The following SLC2A13 variants were observed in gnomAD, a reference collection of about 807,000 sequenced individuals.
SLC2A13 encodes solute carrier family 2 member 13, also known as proton myo-inositol cotransporter.
In SLC2A13, 32 loss-of-function variants were observed where a neutral mutation model predicts 64.4. That is an observed-to-expected ratio of 0.50 (90% confidence interval 0.37 to 0.67). The LOEUF (loss-of-function observed/expected upper bound fraction) is 0.67, where lower values mean the gene tolerates loss of function less well. SLC2A13 is among the 30% of genes least tolerant of loss of function. The pLI, the probability that SLC2A13 is intolerant of heterozygous loss-of-function variation, is 0.00. For missense variants in SLC2A13, 743 were observed against 829.2 expected (o/e 0.90, Z 1.28); for synonymous variants, 338 against 327.1 (o/e 1.03, Z -0.36).
intron 1 of SLC2A13, among the ~76,000 whole-genome samples, chr12:40,066,392 A>C (rs2136261010): frequency 6.6e-6 from 1 of 152,366 alleles, no homozygotes; most frequent in Non-Finnish European, 1.5e-5. Context: ...TCAGAGAAAT[A>C]ACATGCACTT....
chr12:39,943,079 G>A lies in SLC2A13; in HGVS notation c.1034+8178C>T, dbSNP rs376519400. Among the ~76,000 whole-genome samples, 382 of 152,242 alleles carry A rather than the reference G, an allele frequency of 2.5e-3. 10 individuals are homozygous for A. The South Asian group carries it at 0.073, about 29-fold the overall frequency. On this transcript the variant is annotated intron_variant, in intron 4 of 9. Transcript: ENST00000280871. ...CAGGCCATCTGCCTGTATCACCAGC[G>A]GAGACTGTGGAACAGCAAAGACTGC...
intron 7 of SLC2A13, among the ~76,000 whole-genome samples, chr12:39,798,669 G>C (rs1941664799): frequency 6.6e-6 from 1 of 152,180 alleles, no homozygotes; most frequent in African/African-American, 2.4e-5. Flanking sequence ...GCCCGGGCTA[G>C]TGCTGAAAGA....
intron 1 of SLC2A13, among the ~76,000 whole-genome samples, chr12:40,064,410 T>C (rs1403431107): frequency 6.6e-6 from 1 of 152,202 alleles, no homozygotes; most frequent in Non-Finnish European, 1.5e-5. Context: ...TATTTTGATA[T>C]ATTTCAATGT....
chr12:39,986,233 G>A (rs530602), intron 3 of SLC2A13, among the ~76,000 whole-genome samples: 60,766 of 151,780 alleles, frequency 0.4, 12,383 homozygotes, highest in Non-Finnish European at 0.44. Flanking sequence ...CTAACCTTGG[G>A]GTTAGGATTT....
At position 39,764,526 on chromosome 12, in the gene SLC2A13, T is replaced by G; in HGVS notation, c.1654A>C (p.Asn552His). 1 of 1,612,224 alleles carries G rather than the reference T, an allele frequency of 6.2e-7. No individual in the cohort carries two copies. The highest frequency in any genetic ancestry group is 8.5e-7 in the Non-Finnish European group (1 of 1,179,260). Reference protein sequence around the residue: ...STGNACSSGINWIFNVLVSLT... With the variant: ...STGNACSSGIHWIFNVLVSLT... ...GAAACCAGGACATTGAAAATCCAGT[T>G]TATTCCAGATGAACATGCATTTCCT... Residue 552 changes from asparagine to histidine, a missense_variant, in exon 9 of 10, where the codon AAC (asparagine) becomes CAC (histidine). Around this residue, in one of 2 missense-constraint regions of SLC2A13, gnomAD observed 295 missense variants for 381.7 expected, o/e 0.77. Transcript: ENST00000280871.
chr12:39,767,751 G>A (rs889554370), intron 7 of SLC2A13, among the ~76,000 whole-genome samples: 6 of 152,040 alleles, frequency 3.9e-5, no homozygotes, highest in South Asian at 4.1e-4. Context: ...ATTGAATCAC[G>A]GGGGTGGTTA....
chr12:39,967,514 C>G (rs570074670), intron 3 of SLC2A13, among the ~76,000 whole-genome samples: 1 of 152,238 alleles, frequency 6.6e-6, no homozygotes, highest in East Asian at 1.9e-4. Context: ...TATATGACTC[C>G]TTATGTAAAA....
chr12:39,788,113 T>C (rs1019414582), intron 7 of SLC2A13, among the ~76,000 whole-genome samples: 2 of 152,166 alleles, frequency 1.3e-5, no homozygotes, highest in Non-Finnish European at 2.9e-5. Context: ...AGGAAACTTA[T>C]GTACTGTTGT....
rs548164067 is a variant in SLC2A13 at position 40,011,681 on chromosome 12, G to A, written c.925+16620C>T. 1.3e-4 allele frequency among the ~76,000 whole-genome samples: 20 copies of A among 152,110 alleles called. 1 individual carries two copies. The highest frequency in any genetic ancestry group is 9.7e-4 in the East Asian group (5 of 5,168). ...TCTCCTCCCTCTAGTAGTCCTCGGC[G>A]TCTACTGTTCCCATCTTTATGTCCA... On this transcript the variant is annotated intron_variant, in intron 3 of 9. Coordinates refer to ENST00000280871, the MANE Select transcript of SLC2A13 (RefSeq NM_052885.4).
In SLC2A13 at chr12:39,759,666, G is replaced by A. The variant is rs1163424103; in HGVS notation, c.*360C>T. Reference sequence around the variant, plus strand: ...TAAATATATTATACATATGTAATTTGGCTAGATTAGCACTGACTCTGTTGC... The same window carrying A: ...TAAATATATTATACATATGTAATTTAGCTAGATTAGCACTGACTCTGTTGC... On this transcript the variant is annotated 3_prime_UTR_variant, in exon 10 of 10. Coordinates refer to ENST00000280871, the MANE Select transcript of SLC2A13 (RefSeq NM_052885.4). 5.2e-6 allele frequency: 1 copy of A among 193,322 alleles called. No homozygotes were observed. Among genetic ancestry groups the A allele is most frequent in the African/African-American group, 2.4e-5 (1 of 41,868 alleles). 12.0% of individuals were successfully genotyped at this position (193,322 alleles called of 1,614,324 possible). A position where few individuals can be genotyped will look rare whatever the true frequency, so the allele number is the denominator to read the frequency against.
intron 4 of SLC2A13, among the ~76,000 whole-genome samples, chr12:39,901,223 G>A (rs538368910): frequency 5.5e-4 from 83 of 152,134 alleles, no homozygotes; most frequent in African/African-American, 2.0e-3. Flanking sequence ...CGTTAGACCT[G>A]AAACCATAAA....
chr12:40,002,950 G>T (rs756216839), intron 3 of SLC2A13, among the ~76,000 whole-genome samples: 2 of 152,128 alleles, frequency 1.3e-5, no homozygotes, highest in Non-Finnish European at 2.9e-5. Context: ...AGCAAACTAG[G>T]GGTTAATAAT....
At chr12:40,013,852 G>C (rs1385133216) in intron 3 of SLC2A13, among the ~76,000 whole-genome samples, 2 of 152,190 alleles carry the variant, frequency 1.3e-5, no homozygotes, top group Non-Finnish European at 2.9e-5. Flanking sequence ...CAGAGGAAGA[G>C]ACTAAATACT....
intron 7 of SLC2A13, among the ~76,000 whole-genome samples, chr12:39,773,288 GTCTCATTTTGGC>G (rs1940651928): frequency 6.6e-6 from 1 of 152,154 alleles, no homozygotes; most frequent in Non-Finnish European, 1.5e-5. Flanking sequence ...GGTGAAATAT[GTCTCATTTTGGC>G]TGAGTGAGAG....
In SLC2A13 at chr12:39,763,980, G is replaced by T. The variant is rs149837782; in HGVS notation, c.1720+480C>A. 5.8e-4 allele frequency among the ~76,000 whole-genome samples: 88 copies of T among 152,160 alleles called. No homozygotes were observed. In the East Asian group the frequency reaches 0.013, roughly 23 times the overall value. ...AGCAGCACAGGTGATACAGTGGAAG[G>T]TATGGCCACAGCACAGCATACTGTT... is the stretch of plus-strand genomic sequence containing the variant. On this transcript the variant is annotated intron_variant, in intron 9 of 9. Transcript: ENST00000280871.
chr12:39,968,905 C>G lies in SLC2A13; in HGVS notation c.926-17540G>C, dbSNP rs962681543. 2.6e-5 allele frequency among the ~76,000 whole-genome samples: 4 copies of G among 151,648 alleles called. No individual in the cohort carries two copies. The East Asian group carries it at 5.8e-4, about 22-fold the overall frequency. Reference sequence around the variant, plus strand: ...TGTTGGTGTGCTGCACCCATTAACTCGTCATTTACATTAGGTATATCTCCT... The same window carrying G: ...TGTTGGTGTGCTGCACCCATTAACTGGTCATTTACATTAGGTATATCTCCT... On this transcript the variant is annotated intron_variant, in intron 3 of 9. Coordinates refer to ENST00000280871, the MANE Select transcript of SLC2A13 (RefSeq NM_052885.4).
chr12:39,919,708 T>A (rs1945582424), intron 4 of SLC2A13, among the ~76,000 whole-genome samples: 1 of 152,078 alleles, frequency 6.6e-6, no homozygotes, highest in Non-Finnish European at 1.5e-5. Flanking sequence ...CTGACAATAT[T>A]TTATAACATT....
At chr12:39,959,166 C>T (rs73092283) in intron 3 of SLC2A13, among the ~76,000 whole-genome samples, 7,235 of 152,258 alleles carry the variant, frequency 0.048, 242 homozygotes, top group South Asian at 0.13. Context: ...GAAACTACCA[C>T]CAAGATCCTG....
At chr12:39,960,748 T>A (rs1946396262) in intron 3 of SLC2A13, among the ~76,000 whole-genome samples, 1 of 147,792 alleles carries the variant, frequency 6.8e-6, no homozygotes, top group South Asian at 2.2e-4. Context: ...CTCATTCTTT[T>A]TTTTTTTTTT....
Sources: gnomAD v4.1 joint callset for allele counts (sites outside exome capture counted in the v4.1 genomes callset) on GRCh38, gnomAD v4.1.1 for gene constraint, gnomAD v4.1.1 regional missense constraint, MANE v1.5 for transcripts, NCBI Gene and HGNC (gene_info 2026-07-23, HGNC 2026-07-21) for gene names.